PSD3: variants seen among roughly 807,000 people sequenced by gnomAD.
The protein encoded by PSD3 is pleckstrin and Sec7 domain containing 3.
A neutral mutation model predicts 105.5 loss-of-function variants in PSD3; 49 were observed. The ratio of observed to expected loss-of-function variants is 0.46; its 90% CI spans 0.37 to 0.59. PSD3 has a LOEUF of 0.59. Among genes scored for constraint, PSD3 ranks in the 20% least tolerant of loss-of-function variants. The pLI is 0.00. For synonymous variants in PSD3, 557 were observed against 457.8 expected (o/e 1.22, Z -2.77); for missense variants, 1,561 against 1,263.8 (o/e 1.24, Z -3.57).
rs887897337 is a variant in PSD3 at position 18,877,269 on chromosome 8, G to A, written c.131-4536C>T. Among the ~76,000 whole-genome samples, 5 of 152,258 alleles carry A rather than the reference G, an allele frequency of 3.3e-5. No individual in the cohort carries two copies. The East Asian group carries it at 5.8e-4, about 18-fold the overall frequency. On this transcript the variant is annotated intron_variant, in intron 2 of 15. Transcript: ENST00000327040. ...CCAACGTCACAAAGATTACTTTTAC[G>A]TTGTCTTCTAAGAGTTTTGCAGTAT...
In PSD3 at chr8:18,872,135, C is replaced by T; in HGVS notation, c.729G>A (p.Val243=). 6.2e-7 allele frequency: 1 copy of T among 1,614,106 alleles called. No individual in the cohort carries two copies. Among genetic ancestry groups the T allele is most frequent in the Non-Finnish European group, 8.5e-7 (1 of 1,179,992 alleles). The change falls in exon 3 of 16, where the codon GTG becomes GTA. Residue 243 remains valine (V), a synonymous_variant. Transcript: ENST00000327040. ...AGGCCAAAGGACAAGATGGCTCCTG[C>T]ACACAGACAGCCCCTTTCCTCCCAT... ...MNNGRKGAVC[V]QEPSCPLASL...
chr8:18,584,085 C>A (rs1401236563), intron 12 of PSD3, among the ~76,000 whole-genome samples: 1 of 152,098 alleles, frequency 6.6e-6, no homozygotes, highest in Non-Finnish European at 1.5e-5. Flanking sequence ...TTTCTGGGAA[C>A]AATAGACCTG....
chr8:18,822,249 A>C (rs1812804589), intron 4 of PSD3, among the ~76,000 whole-genome samples: 1 of 152,324 alleles, frequency 6.6e-6, no homozygotes, highest in South Asian at 2.1e-4. Flanking sequence ...GGTCTTGTAC[A>C]TGATACAAAG....
intron 1 of PSD3, among the ~76,000 whole-genome samples, chr8:18,962,172 G>T (rs1274596875): frequency 6.6e-6 from 1 of 151,978 alleles, no homozygotes; most frequent in Non-Finnish European, 1.5e-5. Flanking sequence ...CTCGAATCTG[G>T]GAGGCGGAGG....
intron 9 of PSD3, among the ~76,000 whole-genome samples, chr8:18,658,872 T>C (rs926748459): frequency 2.4e-4 from 37 of 152,268 alleles, no homozygotes; most frequent in African/African-American, 8.4e-4. Flanking sequence ...AATTCGCCTC[T>C]TTCTACCCCA....
chr8:19,053,666 C>A (rs1434803782), intron 1 of PSD3, among the ~76,000 whole-genome samples: 1 of 151,896 alleles, frequency 6.6e-6, no homozygotes, highest in Non-Finnish European at 1.5e-5. Context: ...GTGGTGGGCG[C>A]CTGTAGTCCC....
At chr8:18,617,673 T>C (rs973645636) in intron 11 of PSD3, among the ~76,000 whole-genome samples, 7 of 152,126 alleles carry the variant, frequency 4.6e-5, no homozygotes, top group African/African-American at 1.7e-4. Context: ...GTTTAGGACA[T>C]GACAGAAAGG....
In PSD3 at chr8:18,834,735, T is replaced by C. The variant is rs374681777; in HGVS notation, c.1635-29837A>G. ...GTTATATAGAGGAACAAAGACGCCA[T>C]GAAAAAAAGGGAGAGTAGAGATGGC... On this transcript the variant is annotated intron_variant, in intron 4 of 15. Transcript: ENST00000327040. Among the ~76,000 whole-genome samples the C allele has an allele frequency of 7.8e-4, 118 of 152,052 alleles. 2 individuals are homozygous for C. In the South Asian group the frequency reaches 0.024, roughly 31 times the overall value.
chr8:18,737,529 T>C (rs75233845), intron 9 of PSD3, among the ~76,000 whole-genome samples: 5,306 of 152,214 alleles, frequency 0.035, 215 homozygotes, highest in East Asian at 0.15. Context: ...TTTCAAACTC[T>C]TGACCTCAAG....
At chr8:18,860,634 C>A (rs1039534091) in intron 4 of PSD3, among the ~76,000 whole-genome samples, 6 of 152,134 alleles carry the variant, frequency 3.9e-5, no homozygotes, top group Non-Finnish European at 7.4e-5. Flanking sequence ...GTGTAAAACA[C>A]CTTCAGAGAA....
rs139374646 is a variant in PSD3 at position 18,951,659 on chromosome 8, T to G, written c.22-15517A>C. On this transcript the variant is annotated intron_variant, in intron 1 of 15. Coordinates refer to ENST00000327040, the MANE Select transcript of PSD3 (RefSeq NM_015310.4). Reference sequence around the variant, plus strand: ...TAGTGAAAATAATTAGCCATGAAGTTGCTTTTGGACCCAAACAATCAAGGA... The same window carrying G: ...TAGTGAAAATAATTAGCCATGAAGTGGCTTTTGGACCCAAACAATCAAGGA... 5.9e-3 allele frequency among the ~76,000 whole-genome samples: 898 copies of G among 152,304 alleles called. 1 individual carries two copies. Among genetic ancestry groups the G allele is most frequent in the Non-Finnish European group, 8.1e-3 (552 of 68,022 alleles).
At chr8:18,588,651 C>T (rs1193374530) in intron 12 of PSD3, among the ~76,000 whole-genome samples, 2 of 152,170 alleles carry the variant, frequency 1.3e-5, no homozygotes, top group Non-Finnish European at 2.9e-5. Flanking sequence ...TGCACATTTG[C>T]CACACTCCAG....
At chr8:19,004,116 G>T (rs1826542848) in intron 1 of PSD3, among the ~76,000 whole-genome samples, 1 of 152,030 alleles carries the variant, frequency 6.6e-6, no homozygotes, top group African/African-American at 2.4e-5. Context: ...TATCTAAAAA[G>T]ATCAAGAAGG....
At chr8:18,757,536 G>A (rs569795388) in intron 9 of PSD3, among the ~76,000 whole-genome samples, 12 of 152,098 alleles carry the variant, frequency 7.9e-5, no homozygotes, top group Admixed American at 2.0e-4. Flanking sequence ...TTTCTACTTC[G>A]TTCAGGTAAG....
chr8:19,006,041 T>C (rs924462393), intron 1 of PSD3, among the ~76,000 whole-genome samples: 2 of 151,748 alleles, frequency 1.3e-5, no homozygotes, highest in Non-Finnish European at 2.9e-5. Context: ...GTGCGGTGGC[T>C]CCCAGCACTC....
intron 1 of PSD3, among the ~76,000 whole-genome samples, chr8:18,966,515 G>A (rs568205032): frequency 1.3e-5 from 2 of 151,046 alleles, no homozygotes; most frequent in South Asian, 4.2e-4. Context: ...AGGTTGCAGT[G>A]AGCTGAGATT....
At chr8:18,647,110 T>C (rs1036595789) in intron 10 of PSD3, among the ~76,000 whole-genome samples, 15 of 152,214 alleles carry the variant, frequency 9.9e-5, no homozygotes, top group African/African-American at 3.6e-4. Context: ...AGGAAATCTT[T>C]GCAAAATTTT....
chr8:18,910,872 A>G (rs1432319554), intron 2 of PSD3, among the ~76,000 whole-genome samples: 1 of 151,976 alleles, frequency 6.6e-6, no homozygotes. Flanking sequence ...TAAAACAAAC[A>G]GAAGTTCAAG....
intron 11 of PSD3, among the ~76,000 whole-genome samples, chr8:18,605,724 T>C (rs1254210978): frequency 6.6e-6 from 1 of 151,876 alleles, no homozygotes; most frequent in Non-Finnish European, 1.5e-5. Flanking sequence ...TGGTGGGAGG[T>C]AATTGGATCA....
Sources: gnomAD v4.1 joint callset for allele counts (sites outside exome capture counted in the v4.1 genomes callset) on GRCh38, gnomAD v4.1.1 for gene constraint, MANE v1.5 for transcripts, NCBI Gene and HGNC (gene_info 2026-07-23, HGNC 2026-07-21) for gene names.